Variants in PAFAH1B1 observed in about 807,000 individuals in gnomAD.
PAFAH1B1 encodes platelet-activating factor acetylhydrolase IB subunit beta.
Under a neutral mutation model 57.5 loss-of-function variants are expected in PAFAH1B1, and 2 were observed. That is an observed-to-expected ratio of 0.03 (90% CI 0.01 to 0.11). The LOEUF (loss-of-function observed/expected upper bound fraction) is 0.11, where lower values mean the gene tolerates loss of function less well. Among genes scored for constraint, PAFAH1B1 ranks in the 10% least tolerant of loss-of-function variants. The pLI is 1.00. For synonymous variants in PAFAH1B1, 152 were observed against 169.6 expected (o/e 0.90, Z 0.81); for missense variants, 257 against 512.0 (o/e 0.50, Z 4.81).
At chr17:2,649,684 T>C (rs1015556055) in intron 2 of PAFAH1B1, among the ~76,000 whole-genome samples, 2 of 152,214 alleles carry the variant, frequency 1.3e-5, no homozygotes, top group African/African-American at 2.4e-5. Context: ...ACTCTTAAAA[T>C]AATAAAATTA....
At chr17:2,626,974 T>G (rs985606828) in intron 1 of PAFAH1B1, among the ~76,000 whole-genome samples, 2 of 152,214 alleles carry the variant, frequency 1.3e-5, no homozygotes, top group Non-Finnish European at 2.9e-5. Flanking sequence ...TTGAGTTCAT[T>G]GTAGATTCTG....
chr17:2,657,120 C>G (rs1597560125), intron 2 of PAFAH1B1, among the ~76,000 whole-genome samples: 2 of 152,198 alleles, frequency 1.3e-5, no homozygotes, highest in East Asian at 3.8e-4. Flanking sequence ...TTCTAGTGTT[C>G]TGCCATTAAC....
intron 1 of PAFAH1B1, chr17:2,613,713 C>T (rs1201757569): frequency 7.7e-5 from 22 of 285,612 alleles, no homozygotes; most frequent in African/African-American, 1.4e-4. Context: ...CACTTGCTGA[C>T]GTCCTCAAGG....
rs191039942 is a variant in PAFAH1B1 at position 2,635,667 on chromosome 17, T to C, written c.-190-2432T>C. Among the ~76,000 whole-genome samples, 33 of 152,278 alleles carry C rather than the reference T, an allele frequency of 2.2e-4. No individual in the cohort carries two copies. The East Asian group carries it at 4.6e-3, about 21-fold the overall frequency. ...AGGCATGAGCCACCATGTACTACAC[T>C]GTCATTATTCTTGTACATTCATTTG... On this transcript the variant is annotated intron_variant, in intron 1 of 10. Coordinates refer to ENST00000397195, the MANE Select transcript of PAFAH1B1 (RefSeq NM_000430.4).
At chr17:2,651,985 CT>C (rs569656261) in intron 2 of PAFAH1B1, among the ~76,000 whole-genome samples, 60 of 152,340 alleles carry the variant, frequency 3.9e-4, no homozygotes, top group African/African-American at 9.6e-4. Context: ...CAGCCTCCCC[CT>C]ATTCATCCTT....
intron 2 of PAFAH1B1, among the ~76,000 whole-genome samples, chr17:2,657,978 T>C (rs1242645823): frequency 6.6e-6 from 1 of 152,222 alleles, no homozygotes; most frequent in African/African-American, 2.4e-5. Flanking sequence ...TGTGTATCTT[T>C]CCTATTGTAC....
At chr17:2,655,588 A>G (rs1456040645) in intron 2 of PAFAH1B1, among the ~76,000 whole-genome samples, 1 of 152,152 alleles carries the variant, frequency 6.6e-6, no homozygotes, top group Non-Finnish European at 1.5e-5. Context: ...GGTTGCAATA[A>G]GCTGAGATTG....
At chr17:2,668,822 A>G (rs1015080793) in intron 5 of PAFAH1B1, among the ~76,000 whole-genome samples, 1 of 151,892 alleles carries the variant, frequency 6.6e-6, no homozygotes, top group Non-Finnish European at 1.5e-5. Context: ...AAAAAATACA[A>G]AAAATTAGCC....
chr17:2,683,257 C>G lies in PAFAH1B1; in HGVS notation c.*1455C>G, dbSNP rs1399873834. The stretch of plus-strand genomic sequence containing the variant: ...TAGCCATGACTTTTGGAGCACTATT[C>G]CATTGTCAGTTATTAATAAAGAATT... On this transcript the variant is annotated 3_prime_UTR_variant, in exon 11 of 11. Transcript: ENST00000397195. The G allele has an allele frequency of 6.6e-6, 1 of 152,090 alleles. No individual in the cohort carries two copies. The highest frequency in any genetic ancestry group is 1.9e-4 in the East Asian group (1 of 5,206). The allele number at this position is 152,090 out of a possible 1,614,324, so 9.4% of individuals were successfully genotyped here.
chr17:2,603,946 C>T (rs1257841468), intron 1 of PAFAH1B1, among the ~76,000 whole-genome samples: 1 of 152,056 alleles, frequency 6.6e-6, no homozygotes, highest in Non-Finnish European at 1.5e-5. Flanking sequence ...CCATGTTGGT[C>T]AGACTGGTCT....
intron 2 of PAFAH1B1, among the ~76,000 whole-genome samples, chr17:2,650,583 C>G (rs1476146154): frequency 1.4e-5 from 2 of 142,956 alleles, no homozygotes; most frequent in East Asian, 4.1e-4. Context: ...TGGGAGGATC[C>G]TGGGAGGTCT....
intron 2 of PAFAH1B1, among the ~76,000 whole-genome samples, chr17:2,652,976 T>C (rs1156910490): frequency 6.6e-6 from 1 of 152,190 alleles, no homozygotes; most frequent in Non-Finnish European, 1.5e-5. Context: ...CACACATATG[T>C]TTATTGTGGC....
intron 2 of PAFAH1B1, among the ~76,000 whole-genome samples, chr17:2,660,344 C>T (rs2068998036): frequency 6.6e-6 from 1 of 151,872 alleles, no homozygotes; most frequent in African/African-American, 2.4e-5. Flanking sequence ...CAAGTCATCA[C>T]CTAGGTTTTA....
rs147728180 is a variant in PAFAH1B1 at position 2,684,091 on chromosome 17, G to A, written c.*2289G>A. ...TCTGTAAACAAAGTTATCCTTACTT[G>A]GGAGATTGCCACAGCCTGCTGCTGA... On this transcript the variant is annotated 3_prime_UTR_variant, in exon 11 of 11. Coordinates refer to ENST00000397195, the MANE Select transcript of PAFAH1B1 (RefSeq NM_000430.4). 15 of 152,752 alleles carry A rather than the reference G, an allele frequency of 9.8e-5. 1 individual carries two copies. The highest frequency in any genetic ancestry group is 2.0e-4 in the Admixed American group (3 of 15,294). The allele number at this position is 152,752 out of a possible 1,614,324, so 9.5% of individuals were successfully genotyped here.
chr17:2,667,487 A>G (rs1055405820), intron 5 of PAFAH1B1: 1 of 354,418 alleles, frequency 2.8e-6, no homozygotes, highest in Non-Finnish European at 5.4e-6. Flanking sequence ...GGCTCCTGAG[A>G]GGCATGCTGC....
rs370990501 is a variant in PAFAH1B1 at position 2,627,026 on chromosome 17, CTCCCACCCTGTGGGT to C, written c.-190-11071_-190-11057del. Among the ~76,000 whole-genome samples the C allele has an allele frequency of 5.6e-4, 85 of 152,314 alleles. 2 individuals are homozygous for C. Among genetic ancestry groups the C allele is most frequent in the African/African-American group, 2.0e-3 (82 of 41,564 alleles). On this transcript the variant is annotated intron_variant, in intron 1 of 10. Coordinates refer to ENST00000397195, the MANE Select transcript of PAFAH1B1 (RefSeq NM_000430.4). ...CAGATGTATAGATTGTGAAGATTTT[CTCCCACCCTGTGGGT>C]TGTCTGTTTACTCTGCTGATTGTTC...
chr17:2,613,030 A>G (rs1412558862), intron 1 of PAFAH1B1, among the ~76,000 whole-genome samples: 4 of 139,338 alleles, frequency 2.9e-5, no homozygotes, highest in Non-Finnish European at 4.6e-5. Flanking sequence ...CATTTGATAA[A>G]TTAATAATTT....
At chr17:2,660,963 A>G (rs1242273100) in intron 2 of PAFAH1B1, among the ~76,000 whole-genome samples, 1 of 152,172 alleles carries the variant, frequency 6.6e-6, no homozygotes, top group African/African-American at 2.4e-5. Flanking sequence ...GTGAGATAGT[A>G]TCTCATTGTG....
intron 1 of PAFAH1B1, chr17:2,635,509 A>C (rs1339548336): frequency 6.6e-6 from 1 of 152,026 alleles, no homozygotes; most frequent in Non-Finnish European, 1.5e-5. Context: ...GACTGACTAT[A>C]GGTGTGTGCC....
Sources: gnomAD v4.1 joint callset for allele counts (sites outside exome capture counted in the v4.1 genomes callset) on GRCh38, gnomAD v4.1.1 for gene constraint, MANE v1.5 for transcripts, NCBI Gene and HGNC (gene_info 2026-07-23, HGNC 2026-07-21) for gene names.